The following HK1 variants were observed in gnomAD, a reference collection of about 807,000 sequenced individuals.
The protein encoded by HK1 is hexokinase 1, also known as hexokinase-1.
Under a neutral mutation model 91.6 loss-of-function variants are expected in HK1, and 28 were observed. The ratio of observed to expected loss-of-function variants is 0.31; its 90% CI spans 0.23 to 0.42. The LOEUF is 0.42. Among genes scored for constraint, HK1 ranks in the 10% least tolerant of loss-of-function variants. The pLI is 1.00. For synonymous variants in HK1, 430 were observed against 468.1 expected (o/e 0.92, Z 1.05); for missense variants, 770 against 1,219.8 (o/e 0.63, Z 5.49).
intron 2 of HK1, among the ~76,000 whole-genome samples, chr10:69,286,833 C>T (rs1321639139): frequency 6.6e-6 from 1 of 152,128 alleles, no homozygotes; most frequent in African/African-American, 2.4e-5. Context: ...CAGGCATGGG[C>T]CACCTCATGA....
chr10:69,295,611 A>C, intron 3 of HK1: 3 of 1,570,022 alleles, frequency 1.9e-6, no homozygotes. Context: ...GTAACACTTT[A>C]CTTGTCCTGT....
chr10:69,342,996 G>A lies in HK1; in HGVS notation c.64-831G>A, dbSNP rs116422272. Among the ~76,000 whole-genome samples the A allele has an allele frequency of 7.2e-3, 1,095 of 152,324 alleles. 17 individuals are homozygous for A. The highest frequency in any genetic ancestry group is 0.025 in the African/African-American group (1,034 of 41,566). ...GAGAACGGGGAACTCAGGAAGAGGAGCAGGTTGGGTCAGGCCTGGTGAAGG... is the reference window on the plus strand; with the variant it reads ...GAGAACGGGGAACTCAGGAAGAGGAACAGGTTGGGTCAGGCCTGGTGAAGG... On this transcript the variant is annotated intron_variant, in intron 1 of 17. Coordinates refer to ENST00000359426, the MANE Select transcript of HK1 (RefSeq NM_000188.3).
intron 11 of HK1, 148 bp downstream of exon 11, chr10:69,384,629 G>A: frequency 7.1e-7 from 1 of 1,404,858 alleles, no homozygotes; most frequent in Non-Finnish European, 1.0e-6. Flanking sequence ...GCCATGCCTG[G>A]CTTGTGACAC....
Position 69,369,044 on chromosome 10 carries a change from A to G in HK1, c.592-193A>G, listed in dbSNP as rs75637334. 0.012 allele frequency among the ~76,000 whole-genome samples: 1,853 copies of G among 152,352 alleles called. 28 individuals carry two copies. The highest frequency in any genetic ancestry group is 0.038 in the African/African-American group (1,595 of 41,582). On this transcript the variant is annotated intron_variant, in intron 5 of 17. Coordinates refer to ENST00000359426, the MANE Select transcript of HK1 (RefSeq NM_000188.3). The surrounding 1 kb of genome is among the most constrained non-coding windows in gnomAD (Gnocchi z 4.4). Reference sequence around the variant, plus strand: ...AGACTCTTAAGCCAGGTAATTAAGGAAACTGTGAGGTTTTCATCATTTAAT... The same window carrying G: ...AGACTCTTAAGCCAGGTAATTAAGGGAACTGTGAGGTTTTCATCATTTAAT...
intron 3 of HK1, among the ~76,000 whole-genome samples, chr10:69,289,460 A>ATTTTTT (rs1564755510): frequency 2.5e-4 from 23 of 93,734 alleles, no homozygotes; most frequent in African/African-American, 6.0e-4. Context: ...TAAAAAAAAA[A>ATTTTTT]ATTTTTTTTT....
Position 69,377,044 on chromosome 10 carries a change from T to G in HK1, c.986T>G (p.Leu329Arg). The G allele has an allele frequency of 6.2e-7, 1 of 1,614,132 alleles. No individual in the cohort carries two copies. The highest frequency in any genetic ancestry group is 1.6e-4 in the Middle Eastern group (1 of 6,062). ...LFEGRITPEL[L>R]TRGKFNTSDV... ...GAAGGGCGGATCACCCCGGAGCTGC[T>G]CACCCGAGGGAAGTTTAACACCAGT... is the stretch of plus-strand genomic sequence containing the variant. Residue 329 changes from leucine (L) to arginine (R), a missense_variant, in exon 8 of 18, where the codon CTC becomes CGC. This residue lies in a region of HK1 where 449 missense variants were observed against 665.1 expected (regional missense o/e 0.68). Coordinates refer to ENST00000359426, the MANE Select transcript of HK1 (RefSeq NM_000188.3).
chr10:69,323,976 G>A (rs1847186331), intron 1 of HK1, among the ~76,000 whole-genome samples: 1 of 152,172 alleles, frequency 6.6e-6, no homozygotes, highest in African/African-American at 2.4e-5. Context: ...AAGACAGGGA[G>A]CTGTATACCT....
intron 10 of HK1, among the ~76,000 whole-genome samples, chr10:69,384,054 A>G (rs1287880979): frequency 6.6e-6 from 1 of 152,202 alleles, no homozygotes; most frequent in African/African-American, 2.4e-5. Context: ...TATTTTTTGT[A>G]GGAGATTTTC....
intron 5 of HK1, among the ~76,000 whole-genome samples, chr10:69,307,559 T>C (rs1846162544): frequency 6.6e-6 from 1 of 152,186 alleles, no homozygotes; most frequent in African/African-American, 2.4e-5. Context: ...GGAGACACAC[T>C]GCCTTGGCTT....
At position 69,401,616 on chromosome 10, in the gene HK1, TCCTCC is replaced by T. The variant is rs1840395949; in HGVS notation, c.*487_*491del. 2 of 392,044 alleles carry T rather than the reference TCCTCC, an allele frequency of 5.1e-6. No homozygotes were observed. Among genetic ancestry groups the T allele is most frequent in the African/African-American group, 4.2e-5 (2 of 47,174 alleles). The allele number at this position is 392,044 out of a possible 1,614,324, so 24.3% of individuals were successfully genotyped here. On this transcript the variant is annotated 3_prime_UTR_variant, in exon 18 of 18. Transcript: ENST00000359426. ...GAGTGTGGGCATAGCATTAGCTGCT[TCCTCC>T]CCTCCTGGCACCCACTGTGGCCTGG... is the stretch of plus-strand genomic sequence containing the variant.
In HK1 at chr10:69,304,410, C is replaced by G. The variant is rs200873416; in HGVS notation, c.27+3549C>G. ...GCAACCTCTGCCTCCTGGATTCAAG[C>G]GATTCTCCTGCCTCAGCCTCCCAAG... On this transcript the variant is annotated intron_variant, in intron 5 of 21. Transcript: ENST00000360289. Among the ~76,000 whole-genome samples, 4 of 151,954 alleles carry G rather than the reference C, an allele frequency of 2.6e-5. No homozygotes were observed. In the East Asian group the frequency reaches 7.7e-4, roughly 29 times the overall value.
At chr10:69,296,928 G>A (rs1282879457) in intron 4 of HK1, among the ~76,000 whole-genome samples, 1 of 152,124 alleles carries the variant, frequency 6.6e-6, no homozygotes, top group East Asian at 1.9e-4. Flanking sequence ...GAGGGGGTAG[G>A]GGGCATAAGT....
At chr10:69,327,071 C>G (rs1847425084) in intron 1 of HK1, among the ~76,000 whole-genome samples, 1 of 138,626 alleles carries the variant, frequency 7.2e-6, no homozygotes, top group Non-Finnish European at 1.5e-5. Context: ...GTGGCACGGT[C>G]TCAGCTCACA....
chr10:69,291,808 C>G (rs1015147845), intron 3 of HK1, among the ~76,000 whole-genome samples: 1 of 152,170 alleles, frequency 6.6e-6, no homozygotes, highest in African/African-American at 2.4e-5. Context: ...GTTTCTTTCT[C>G]ATAGGTTTCC....
At chr10:69,340,525 C>T (rs757147684) in intron 1 of HK1, among the ~76,000 whole-genome samples, 3 of 152,308 alleles carry the variant, frequency 2.0e-5, no homozygotes, top group South Asian at 4.1e-4. Flanking sequence ...TCTGGGGTTA[C>T]AGGCATGAGC....
intron 5 of HK1, among the ~76,000 whole-genome samples, chr10:69,309,158 G>A (rs1846238695): frequency 6.6e-6 from 1 of 151,758 alleles, no homozygotes; most frequent in South Asian, 2.1e-4. Flanking sequence ...CTAGGTGACA[G>A]CAAGACTTTG....
chr10:69,377,137 G>A (rs776553239), intron 8 of HK1, 48 bp downstream of exon 8: 11 of 1,608,548 alleles, frequency 6.8e-6, no homozygotes, highest in Middle Eastern at 1.6e-4. Flanking sequence ...GGGCAGAGAA[G>A]AGCAATTGGT....
intron 1 of HK1, among the ~76,000 whole-genome samples, chr10:69,343,040 G>A (rs1167055918): frequency 3.9e-5 from 6 of 152,142 alleles, no homozygotes; most frequent in Non-Finnish European, 8.8e-5. Flanking sequence ...AGTTTGACTC[G>A]GAGGTGCAGG....
chr10:69,328,848 C>CT lies in HK1; in HGVS notation c.63+9847dup, dbSNP rs554207236. Among the ~76,000 whole-genome samples, 53 of 150,384 alleles carry CT rather than the reference C, an allele frequency of 3.5e-4. No homozygotes were observed. The South Asian group carries it at 4.2e-3, about 12-fold the overall frequency. ...GCAACCACTATCTACCTTTTTTTTT[C>CT]TTTTTTTTTAAATGGATTTGCCTCT... is the stretch of plus-strand genomic sequence containing the variant. On this transcript the variant is annotated intron_variant, in intron 1 of 17. Coordinates refer to ENST00000359426, the MANE Select transcript of HK1 (RefSeq NM_000188.3).
Sources: allele counts gnomAD v4.1 joint callset (sites outside exome capture counted in the v4.1 genomes callset), GRCh38; gene constraint gnomAD v4.1.1; regional missense constraint gnomAD v4.1.1; non-coding constraint Gnocchi (gnomAD v3.1); transcripts MANE v1.5; gene names NCBI Gene and HGNC (gene_info 2026-07-23, HGNC 2026-07-21).